Variants in PREX2 observed in about 807,000 individuals in gnomAD.
The protein encoded by PREX2 is phosphatidylinositol-3,4,5-trisphosphate dependent Rac exchange factor 2.
A neutral mutation model predicts 203.2 loss-of-function variants in PREX2; 107 were observed. That is an observed-to-expected ratio of 0.53 (90% CI 0.45 to 0.62). The LOEUF (loss-of-function observed/expected upper bound fraction) is 0.62, where lower values mean the gene tolerates loss of function less well. Ranked by LOEUF, PREX2 falls within the 20% of genes least tolerant of loss-of-function variation. The pLI is 0.00. For synonymous variants in PREX2, 672 were observed against 663.6 expected (o/e 1.01, Z -0.19); for missense variants, 1,777 against 1,955.9 (o/e 0.91, Z 1.72).
At chr8:68,188,594 C>T (rs543957894) in intron 35 of PREX2, among the ~76,000 whole-genome samples, 111 of 152,308 alleles carry the variant, frequency 7.3e-4, no homozygotes, top group African/African-American at 2.5e-3. Flanking sequence ...CATAGTTCCA[C>T]GTGGCTGGGG....
intron 1 of PREX2, among the ~76,000 whole-genome samples, chr8:68,007,290 G>A (rs1485680545): frequency 6.6e-6 from 1 of 152,186 alleles, no homozygotes; most frequent in Non-Finnish European, 1.5e-5. Context: ...GTAAGAAAAT[G>A]CTTTCAGATA....
chr8:68,019,050 G>A (rs1267264445), intron 2 of PREX2, among the ~76,000 whole-genome samples: 3 of 152,226 alleles, frequency 2.0e-5, no homozygotes, highest in Non-Finnish European at 2.9e-5. Flanking sequence ...TAGCACCTGT[G>A]ACCCAGAGAG....
chr8:68,069,080 CG>C lies in PREX2; in HGVS notation c.1388del (p.Arg463ProfsTer16), dbSNP rs755382474. 1.3e-6 allele frequency: 2 copies of C among 1,570,682 alleles called. No individual in the cohort carries two copies. Among genetic ancestry groups the C allele is most frequent in the Non-Finnish European group, 1.7e-6 (2 of 1,161,888 alleles). On this transcript the variant is annotated frameshift_variant, in exon 12 of 40. Coordinates refer to ENST00000288368, the MANE Select transcript of PREX2 (RefSeq NM_024870.4). LOFTEE classifies it high-confidence loss of function. Reference protein sequence around the residue: ...FKPEQMLYRFRYDDGTFYPRN... With the variant: ...FKPEQMLYRFXYDDGTFYPRN... Reference sequence around the variant, plus strand: ...ACCAGAACAGATGTTATATAGATTTCGCTATGATGATGGAACATTTTATCCA... The same window carrying C: ...ACCAGAACAGATGTTATATAGATTTCCTATGATGATGGAACATTTTATCCA...
At chr8:68,138,354 C>A in intron 32 of PREX2, 61 bp from the exon 33 acceptor site, 2 of 855,800 alleles carry the variant, frequency 2.3e-6, no homozygotes, top group South Asian at 2.4e-5. Flanking sequence ...TACATTATGT[C>A]ATGTTACGTT....
intron 34 of PREX2, among the ~76,000 whole-genome samples, chr8:68,148,985 A>T (rs1811379780): frequency 6.6e-6 from 1 of 152,218 alleles, no homozygotes; most frequent in Admixed American, 6.5e-5. Context: ...TGGTAAATGA[A>T]AGAGATTCCA....
intron 30 of PREX2, among the ~76,000 whole-genome samples, chr8:68,125,102 A>G (rs925930029): frequency 6.6e-6 from 1 of 152,044 alleles, no homozygotes; most frequent in African/African-American, 2.4e-5. Context: ...AATCTGTGTG[A>G]TGTCCGGTCC....
At chr8:68,173,885 A>C (rs2129614289) in intron 35 of PREX2, among the ~76,000 whole-genome samples, 1 of 152,334 alleles carries the variant, frequency 6.6e-6, no homozygotes, top group African/African-American at 2.4e-5. Flanking sequence ...TTTGGAAATA[A>C]ATGAAAGTTG....
At chr8:68,086,105 A>T (rs1045495437) in intron 18 of PREX2, among the ~76,000 whole-genome samples, 2 of 152,220 alleles carry the variant, frequency 1.3e-5, no homozygotes, top group African/African-American at 4.8e-5. Flanking sequence ...AAATGAATAC[A>T]GCCCTGTACA....
chr8:68,198,794 G>T (rs1444986138), intron 37 of PREX2, among the ~76,000 whole-genome samples: 1 of 152,190 alleles, frequency 6.6e-6, no homozygotes, highest in Admixed American at 6.5e-5. Flanking sequence ...TGGAATCACA[G>T]TTTTCCCCTG....
rs570753617 is a variant in PREX2, at chr8:68,108,324, G to A, written c.2931G>A (p.Ser977=). The A allele has an allele frequency of 4.1e-5, 66 of 1,612,436 alleles. No individual in the cohort carries two copies. The East Asian group carries it at 5.1e-4, about 13-fold the overall frequency. ...HNSHDKENKS[S]EQGKLSPMVY... Reference sequence around the variant, plus strand: ...CTCATGATAAAGAAAACAAATCTTCGGAGCAAGGTATGCTAGCTTTTGCAA... The same window carrying A: ...CTCATGATAAAGAAAACAAATCTTCAGAGCAAGGTATGCTAGCTTTTGCAA... The change falls in exon 24 of 40, where the codon TCG becomes TCA. Residue 977 remains serine, a synonymous_variant. Transcript: ENST00000288368.
chr8:68,069,819 T>G lies in PREX2; in HGVS notation c.1444-16T>G. 1 of 1,392,794 alleles carries G rather than the reference T, an allele frequency of 7.2e-7. No individual in the cohort carries two copies. Among genetic ancestry groups the G allele is most frequent in the Non-Finnish European group, 1.0e-6 (1 of 999,330 alleles). 86.3% of individuals were successfully genotyped at this position (1,392,794 alleles called of 1,614,324 possible). A position where few individuals can be genotyped will look rare whatever the true frequency, so the allele number is the denominator to read the frequency against. ...GGTAATCTCACTTGTTTTTGATATA[T>G]CTCTATTTTACGTAGGGTGTAAGAT... is the stretch of plus-strand genomic sequence containing the variant. On this transcript the variant is annotated splice_polypyrimidine_tract_variant and intron_variant, in intron 12 of 39. Transcript: ENST00000288368.
In PREX2 at chr8:68,235,945, A is replaced by G. The variant is rs1813257076; in HGVS notation, c.*4567A>G. The G allele has an allele frequency of 6.6e-6, 1 of 152,192 alleles. No individual in the cohort carries two copies. Among genetic ancestry groups the G allele is most frequent in the Admixed American group, 6.6e-5 (1 of 15,264 alleles). 9.4% of individuals were successfully genotyped at this position (152,192 alleles called of 1,614,324 possible). On this transcript the variant is annotated 3_prime_UTR_variant, in exon 40 of 40. Coordinates refer to ENST00000288368, the MANE Select transcript of PREX2 (RefSeq NM_024870.4). ...CTTGCTCCTCTCGCTGAGAAGAGAT[A>G]CCTGAAGTCTACTAAGTCTACTAAA...
intron 1 of PREX2, among the ~76,000 whole-genome samples, chr8:67,989,973 A>G (rs1806548838): frequency 6.6e-6 from 1 of 152,188 alleles, no homozygotes; most frequent in South Asian, 2.1e-4. Flanking sequence ...ATCTGTAAAA[A>G]TGTAAACCTC....
chr8:68,168,227 C>T (rs1811802115), intron 35 of PREX2, among the ~76,000 whole-genome samples: 1 of 152,158 alleles, frequency 6.6e-6, no homozygotes, highest in Non-Finnish European at 1.5e-5. Flanking sequence ...GCCTAAGAAT[C>T]TCTCCACAAA....
chr8:68,176,842 A>G (rs1342428065), intron 35 of PREX2: 1 of 152,202 alleles, frequency 6.6e-6, no homozygotes, highest in Non-Finnish European at 1.5e-5. Flanking sequence ...AGTAACTTGC[A>G]TGAAATAGCT....
chr8:68,120,878 G>A, intron 29 of PREX2, 43 bp from the exon 30 acceptor site: 1 of 1,579,998 alleles, frequency 6.3e-7, no homozygotes, highest in South Asian at 1.1e-5. Context: ...TCATTGTTTA[G>A]GAATTATTTG....
At chr8:68,112,475 C>G (rs1413608909) in intron 25 of PREX2, among the ~76,000 whole-genome samples, 2 of 151,454 alleles carry the variant, frequency 1.3e-5, no homozygotes, top group Non-Finnish European at 2.9e-5. Flanking sequence ...GTTAGTAACC[C>G]GGGGGTTACA....
chr8:68,040,719 C>T (rs1028853078), intron 7 of PREX2, among the ~76,000 whole-genome samples: 2 of 152,132 alleles, frequency 1.3e-5, no homozygotes, highest in Non-Finnish European at 2.9e-5. Flanking sequence ...CTTCCTGCCA[C>T]CTTTACTAGA....
chr8:68,095,319 G>T (rs1810025615), intron 21 of PREX2, among the ~76,000 whole-genome samples: 1 of 152,062 alleles, frequency 6.6e-6, no homozygotes, highest in African/African-American at 2.4e-5. Context: ...CGCATGGTTG[G>T]TTCCCCTGAC....
Sources: allele counts gnomAD v4.1 joint callset (sites outside exome capture counted in the v4.1 genomes callset), GRCh38; gene constraint gnomAD v4.1.1; transcripts MANE v1.5; gene names NCBI Gene and HGNC (gene_info 2026-07-23, HGNC 2026-07-21).